The following WDFY3 variants were observed in gnomAD, a reference collection of about 807,000 sequenced individuals.
WDFY3 encodes the protein WD repeat and FYVE domain containing 3.
A neutral mutation model predicts 409.6 loss-of-function variants in WDFY3; 66 were observed. The observed-to-expected ratio is 0.16, with a 90% CI of 0.13 to 0.20. The LOEUF (loss-of-function observed/expected upper bound fraction) is 0.20. Among genes scored for constraint, WDFY3 ranks in the 10% least tolerant of loss-of-function variants. The pLI, the probability that WDFY3 is intolerant of heterozygous loss-of-function variation, is 1.00. For missense variants in WDFY3, 3,031 were observed against 4,298.1 expected (o/e 0.71, Z 8.24); for synonymous variants, 1,521 against 1,537.1 (o/e 0.99, Z 0.25).
intron 2 of WDFY3, among the ~76,000 whole-genome samples, chr4:84,923,929 G>C (rs1267847277): frequency 6.6e-6 from 1 of 152,180 alleles, no homozygotes; most frequent in African/African-American, 2.4e-5. Flanking sequence ...GAGCCCAGGA[G>C]GTCAAGGCTG....
chr4:84,948,037 A>T (rs1296069749), intron 1 of WDFY3, among the ~76,000 whole-genome samples: 1 of 151,718 alleles, frequency 6.6e-6, no homozygotes, highest in East Asian at 1.9e-4. Flanking sequence ...TCAAGCTAGT[A>T]AGTGTCAACT....
intron 2 of WDFY3, among the ~76,000 whole-genome samples, chr4:84,901,971 G>A (rs993217137): frequency 6.6e-6 from 1 of 152,112 alleles, no homozygotes; most frequent in South Asian, 2.1e-4. Context: ...TGCAATTCAA[G>A]TTATCTCAGA....
chr4:84,709,441 A>G, intron 51 of WDFY3, 94 bp from the exon 52 acceptor site: 2 of 1,080,124 alleles, frequency 1.9e-6, no homozygotes, highest in Non-Finnish European at 2.7e-6. Context: ...CTGGTCCAGG[A>G]ATTTTTCAAA....
At chr4:84,759,940 T>C (rs1292186286) in intron 32 of WDFY3, among the ~76,000 whole-genome samples, 11 of 150,946 alleles carry the variant, frequency 7.3e-5, no homozygotes, top group African/African-American at 2.7e-4. Context: ...GGCTGTGGGT[T>C]TGTCATAGAT....
chr4:84,824,904 T>C (rs1178046217), intron 10 of WDFY3, among the ~76,000 whole-genome samples: 1 of 152,204 alleles, frequency 6.6e-6, no homozygotes, highest in Non-Finnish European at 1.5e-5. Context: ...ATGATGTAGC[T>C]TCACCCATTC....
At chr4:84,866,755 T>C (rs955532158) in intron 3 of WDFY3, among the ~76,000 whole-genome samples, 1 of 152,200 alleles carries the variant, frequency 6.6e-6, no homozygotes, top group African/African-American at 2.4e-5. Flanking sequence ...AAATCCCTGT[T>C]TTTGCTGCTT....
At position 84,796,729 on chromosome 4, in the gene WDFY3, C is replaced by G; in HGVS notation, c.2959G>C (p.Gly987Arg). ...CTAAAAACATTATCAGTACCCAGAC[C>G]TTCCAGAGATGTGATCATACTACCT... ...MRSSMITSLEGLGTDNVFSLH... is the reference protein window; with the variant it reads ...MRSSMITSLERLGTDNVFSLH... Residue 987 changes from glycine to arginine, a missense_variant, in exon 19 of 68, where the codon GGT becomes CGT. By Grantham distance (125) the Gly-to-Arg change is moderately radical. Coordinates refer to ENST00000295888, the MANE Select transcript of WDFY3 (RefSeq NM_014991.6). 6.2e-7 allele frequency: 1 copy of G among 1,613,446 alleles called. No homozygotes were observed.
chr4:84,702,337 C>T lies in WDFY3; in HGVS notation c.8596+16G>A. 6.3e-7 allele frequency: 1 copy of T among 1,589,630 alleles called. No homozygotes were observed. The highest frequency in any genetic ancestry group is 1.2e-5 in the South Asian group (1 of 86,402). ...CCTGGCTAACATTCCTAAGACAGTG[C>T]CATAGCTCTACGTACCTAGATCAAA... On this transcript the variant is annotated intron_variant, in intron 56 of 67. Coordinates refer to ENST00000295888, the MANE Select transcript of WDFY3 (RefSeq NM_014991.6).
At chr4:84,885,626 C>T (rs1190909621) in intron 3 of WDFY3, among the ~76,000 whole-genome samples, 1 of 152,006 alleles carries the variant, frequency 6.6e-6, no homozygotes, top group Non-Finnish European at 1.5e-5. Context: ...AAAATATGAA[C>T]AAGGAATCTG....
chr4:84,677,251 G>C lies in WDFY3; in HGVS notation c.10405C>G (p.Leu3469Val), dbSNP rs766884141. ...CTGCAATGGTGTCGTCTTTCTGTGA[G>C]TGAAAACCTCACCGAGCAGCCTGAG... is the stretch of plus-strand genomic sequence containing the variant. ...SCSGCSVRFS[L>V]TERRHHCRNC... The change falls in exon 67 of 68, where the codon CTC becomes GTC. Residue 3469 changes from leucine (L) to valine (V), a missense_variant. Coordinates refer to ENST00000295888, the MANE Select transcript of WDFY3 (RefSeq NM_014991.6). 1 of 1,614,220 alleles carries C rather than the reference G, an allele frequency of 6.2e-7. No homozygotes were observed. Among genetic ancestry groups the C allele is most frequent in the South Asian group, 1.1e-5 (1 of 91,082 alleles).
intron 30 of WDFY3, 51 bp downstream of exon 30, chr4:84,772,784 G>A (rs540144214): frequency 6.9e-7 from 1 of 1,440,328 alleles, no homozygotes; most frequent in African/African-American, 1.4e-5. Flanking sequence ...AAGAAAAAAG[G>A]CATAATATTT....
Position 84,753,809 on chromosome 4 carries a change from C to T in WDFY3, c.5627G>A (p.Arg1876Lys). The change falls in exon 35 of 68, where the codon AGA becomes AAA. Residue 1876 changes from arginine (R) to lysine (K), a missense_variant. Physicochemically the swap from Arg to Lys is conservative, Grantham distance 26 (BLOSUM62 2). Transcript: ENST00000295888. ...EYPVTLMQFF[R>K]YLYHNVPDLA... ...GTCTGGCACGTTGTGATACAAATAT[C>T]TGAAGAACTGCATCAGGGTCACAGG... The T allele has an allele frequency of 1.2e-6, 2 of 1,611,658 alleles. No homozygotes were observed. Among genetic ancestry groups the T allele is most frequent in the South Asian group, 2.2e-5 (2 of 90,858 alleles).
At chr4:84,881,043 C>A (rs1031985467) in intron 3 of WDFY3, among the ~76,000 whole-genome samples, 1 of 151,844 alleles carries the variant, frequency 6.6e-6, no homozygotes, top group Non-Finnish European at 1.5e-5. Flanking sequence ...TCTTACTGAG[C>A]TTCTTCAATT....
chr4:84,879,982 T>A (rs1236739358), intron 3 of WDFY3, among the ~76,000 whole-genome samples: 1 of 152,240 alleles, frequency 6.6e-6, no homozygotes. Flanking sequence ...TACTACATCC[T>A]AATCTCTAGA....
In WDFY3 at chr4:84,867,185, C is replaced by T. The variant is rs1294146503; in HGVS notation, c.-31-6563G>A. Among the ~76,000 whole-genome samples the T allele has an allele frequency of 2.6e-5, 4 of 152,152 alleles. No individual in the cohort carries two copies. In the East Asian group the frequency reaches 7.7e-4, roughly 29 times the overall value. On this transcript the variant is annotated intron_variant, in intron 3 of 67. Coordinates refer to ENST00000295888, the MANE Select transcript of WDFY3 (RefSeq NM_014991.6). ...TTATCTTTTCTTCCTTTACCTTGAT[C>T]ATGAAACATTTAATTTTTATATGCA...
At chr4:84,936,180 T>C (rs183302045) in intron 1 of WDFY3, among the ~76,000 whole-genome samples, 1 of 152,176 alleles carries the variant, frequency 6.6e-6, no homozygotes, top group African/African-American at 2.4e-5. Context: ...TCTTCTGAGT[T>C]GGTTTTCTTA....
chr4:84,808,280 GA>G, intron 15 of WDFY3, 53 bp downstream of exon 15: 41 of 1,408,306 alleles, frequency 2.9e-5, no homozygotes, highest in East Asian at 7.0e-5. Flanking sequence ...AATAAGCACA[GA>G]AAAAAAGGAA....
At chr4:84,942,710 C>T (rs1356968819) in intron 1 of WDFY3, among the ~76,000 whole-genome samples, 2 of 152,182 alleles carry the variant, frequency 1.3e-5, no homozygotes, top group Non-Finnish European at 2.9e-5. Context: ...ATTCACATAT[C>T]CTCGGTAAAA....
intron 35 of WDFY3, among the ~76,000 whole-genome samples, chr4:84,753,013 T>C (rs980880517): frequency 6.6e-6 from 1 of 152,202 alleles, no homozygotes; most frequent in African/African-American, 2.4e-5. Flanking sequence ...CTGTAATGAA[T>C]AGTATTTAGA....
Sources: allele counts gnomAD v4.1 joint callset (sites outside exome capture counted in the v4.1 genomes callset), GRCh38; gene constraint gnomAD v4.1.1; transcripts MANE v1.5; gene names NCBI Gene and HGNC (gene_info 2026-07-23, HGNC 2026-07-21).